Variants in ELAVL2 observed in about 807,000 individuals in gnomAD.
ELAVL2 encodes ELAV like RNA binding protein 2, also known as ELAV-like protein 2.
Under a neutral mutation model 34.6 loss-of-function variants are expected in ELAVL2, and 4 were observed. The ratio of observed to expected loss-of-function variants is 0.12; its 90% CI spans 0.06 to 0.26. ELAVL2 has a LOEUF of 0.26. ELAVL2 is among the 10% of genes least tolerant of loss of function. The pLI is 1.00. For missense variants in ELAVL2, 432 were observed against 442.8 expected (o/e 0.98, Z 0.22); for synonymous variants, 193 against 154.8 (o/e 1.25, Z -1.83).
Position 23,701,469 on chromosome 9 carries a change from T to C in ELAVL2, c.623A>G (p.Gln208Arg), listed in dbSNP as rs1375725117. The C allele has an allele frequency of 3.1e-6, 5 of 1,614,014 alleles. No homozygotes were observed. Among genetic ancestry groups the C allele is most frequent in the African/African-American group, 2.7e-5 (2 of 74,930 alleles). The change falls in exon 5 of 7, where the codon CAA (glutamine) becomes CGA (arginine). Residue 208 changes from glutamine to arginine, a missense_variant. Coordinates refer to ENST00000397312, the MANE Select transcript of ELAVL2 (RefSeq NM_004432.5). The stretch of plus-strand genomic sequence containing the variant: ...GGAAAGGATGGCCTGATTGGTTTTT[T>C]GGCTTGGGTTATTAGCAAACTTTAC... The part of the protein sequence containing the change: ...ITVKFANNPS[Q>R]KTNQAILSQL...
chr9:23,704,365 A>T (rs1339875993), intron 4 of ELAVL2, among the ~76,000 whole-genome samples: 1 of 152,072 alleles, frequency 6.6e-6, no homozygotes, highest in Non-Finnish European at 1.5e-5. Flanking sequence ...TTTAATGAAC[A>T]TTTTAGTCTT....
At chr9:23,702,974 A>AAAAAC (rs2037942888) in intron 4 of ELAVL2, among the ~76,000 whole-genome samples, 5 of 139,300 alleles carry the variant, frequency 3.6e-5, no homozygotes, top group Admixed American at 7.4e-5. Context: ...AAAAAAAAAA[A>AAAAAC]AAAAAAACAG....
intron 5 of ELAVL2, among the ~76,000 whole-genome samples, chr9:23,700,695 T>C (rs1436385330): frequency 6.6e-6 from 1 of 152,224 alleles, no homozygotes; most frequent in Non-Finnish European, 1.5e-5. Flanking sequence ...ATTTACTATC[T>C]GGTACTGTAC....
intron 2 of ELAVL2, among the ~76,000 whole-genome samples, chr9:23,736,601 A>C (rs1344085977): frequency 1.3e-5 from 2 of 152,138 alleles, no homozygotes; most frequent in African/African-American, 4.8e-5. Flanking sequence ...AAGATGTGCA[A>C]GACGTTCCAG....
At chr9:23,778,440 T>C (rs1374422634) in intron 1 of ELAVL2, among the ~76,000 whole-genome samples, 1 of 152,230 alleles carries the variant, frequency 6.6e-6, no homozygotes, top group Non-Finnish European at 1.5e-5. Flanking sequence ...TTCACATTCA[T>C]AAAACTATAT....
At chr9:23,725,609 CA>C (rs1180890940) in intron 3 of ELAVL2, among the ~76,000 whole-genome samples, 1 of 152,046 alleles carries the variant, frequency 6.6e-6, no homozygotes, top group Admixed American at 6.5e-5. Flanking sequence ...TATAAAAGAA[CA>C]AATTATAATG....
intron 3 of ELAVL2, among the ~76,000 whole-genome samples, chr9:23,727,710 C>G (rs1462663687): frequency 6.6e-6 from 1 of 151,998 alleles, no homozygotes; most frequent in Non-Finnish European, 1.5e-5. Flanking sequence ...TAAGATGCAA[C>G]CAAAGTTTGG....
intron 1 of ELAVL2, among the ~76,000 whole-genome samples, chr9:23,762,840 C>CG (rs2055348604): frequency 6.6e-6 from 1 of 151,884 alleles, no homozygotes; most frequent in South Asian, 2.1e-4. Context: ...TTATCTCTAC[C>CG]ATTGGTAAGA....
chr9:23,811,874 T>C (rs952906041), intron 1 of ELAVL2, among the ~76,000 whole-genome samples: 2 of 152,078 alleles, frequency 1.3e-5, no homozygotes, highest in Middle Eastern at 3.4e-3. Context: ...AACTAGGAAA[T>C]AGTTACTCAT....
chr9:23,690,509 AAAGTGCT>A lies in ELAVL2; in HGVS notation c.*2041_*2047del, dbSNP rs1315150602. 6.6e-5 allele frequency: 10 copies of A among 152,550 alleles called. No individual in the cohort carries two copies. The highest frequency in any genetic ancestry group is 1.0e-4 in the Non-Finnish European group (7 of 67,990). The allele number at this position is 152,550 out of a possible 1,614,324, so 9.4% of individuals were successfully genotyped here. A position where few individuals can be genotyped will look rare whatever the true frequency, so the allele number is the denominator to read the frequency against. ...ATCTAAATGCACCTAAGGATATGAG[AAAGTGCT>A]AAGCCAATTGATTTCTGAATAGCAT... On this transcript the variant is annotated 3_prime_UTR_variant, in exon 7 of 7. Transcript: ENST00000397312.
At chr9:23,787,890 A>G (rs2059888706) in intron 1 of ELAVL2, among the ~76,000 whole-genome samples, 1 of 152,186 alleles carries the variant, frequency 6.6e-6, no homozygotes, top group Non-Finnish European at 1.5e-5. Context: ...GAATTCATCC[A>G]GCTTTTAGAG....
At chr9:23,778,086 G>C (rs3793587) in intron 1 of ELAVL2, among the ~76,000 whole-genome samples, 4,492 of 152,228 alleles carry the variant, frequency 0.03, 89 homozygotes, top group East Asian at 0.075. Context: ...ACATTGAGGG[G>C]ATGGGAGTCA....
chr9:23,740,917 T>TC (rs1336824357), intron 2 of ELAVL2, among the ~76,000 whole-genome samples: 1 of 152,200 alleles, frequency 6.6e-6, no homozygotes, highest in African/African-American at 2.4e-5. Flanking sequence ...TAAAATGCTT[T>TC]CATACGCATA....
intron 2 of ELAVL2, among the ~76,000 whole-genome samples, chr9:23,753,360 G>A (rs1182378346): frequency 6.6e-6 from 1 of 152,006 alleles, no homozygotes; most frequent in Non-Finnish European, 1.5e-5. Context: ...AGGAATATTT[G>A]AAAGGAAATG....
chr9:23,782,848 T>C (rs760824188), intron 1 of ELAVL2, among the ~76,000 whole-genome samples: 4 of 152,144 alleles, frequency 2.6e-5, no homozygotes, highest in Non-Finnish European at 5.9e-5. Flanking sequence ...TGTGGAAGCA[T>C]AGCTAAGGAT....
intron 1 of ELAVL2, among the ~76,000 whole-genome samples, chr9:23,798,072 T>C (rs1282584191): frequency 6.6e-6 from 1 of 152,154 alleles, no homozygotes; most frequent in African/African-American, 2.4e-5. Context: ...TGCCTGAAAG[T>C]GTTTGAAATC....
intron 1 of ELAVL2, among the ~76,000 whole-genome samples, chr9:23,809,141 T>C (rs1192468060): frequency 6.6e-6 from 1 of 152,176 alleles, no homozygotes; most frequent in Non-Finnish European, 1.5e-5. Flanking sequence ...AGCAGCCTTG[T>C]CAGGATCCCA....
intron 1 of ELAVL2, among the ~76,000 whole-genome samples, chr9:23,793,025 C>G (rs2060506653): frequency 6.6e-6 from 1 of 152,132 alleles, no homozygotes; most frequent in South Asian, 2.1e-4. Context: ...AATCCCTCCC[C>G]GCAAGGCCTC....
chr9:23,715,994 A>G (rs2042195910), intron 3 of ELAVL2, among the ~76,000 whole-genome samples: 1 of 152,188 alleles, frequency 6.6e-6, no homozygotes, highest in African/African-American at 2.4e-5. Context: ...GAAAAGGAGA[A>G]GTGGATAAGA....
Sources: allele counts gnomAD v4.1 joint callset (sites outside exome capture counted in the v4.1 genomes callset), GRCh38; gene constraint gnomAD v4.1.1; transcripts MANE v1.5; gene names NCBI Gene and HGNC (gene_info 2026-07-23, HGNC 2026-07-21).